FRMD5: variants seen among roughly 807,000 people sequenced by gnomAD.
FRMD5 encodes the protein FERM domain containing 5.
In FRMD5, 20 loss-of-function variants were observed where a neutral mutation model predicts 69.0. That is an observed-to-expected ratio of 0.29 (90% confidence interval 0.20 to 0.42). FRMD5 has a LOEUF of 0.42. Among genes scored for constraint, FRMD5 ranks in the 10% least tolerant of loss-of-function variants. The pLI is 1.00. For missense variants in FRMD5, 595 were observed against 708.6 expected (o/e 0.84, Z 1.82); for synonymous variants, 271 against 260.1 (o/e 1.04, Z -0.40).
intron 1 of FRMD5, among the ~76,000 whole-genome samples, chr15:44,070,618 C>T (rs865789859): frequency 9.2e-5 from 14 of 152,268 alleles, no homozygotes; most frequent in East Asian, 7.7e-4. Flanking sequence ...ATGATATATA[C>T]GCCACACTTG....
chr15:43,891,944 G>A (rs1301964302), intron 8 of FRMD5, 37 bp downstream of exon 8: 1 of 1,561,434 alleles, frequency 6.4e-7, no homozygotes, highest in South Asian at 1.1e-5. Context: ...CAGTTGGTGA[G>A]ATATAAAGAG....
At chr15:43,877,616 C>A (rs557323009) in intron 13 of FRMD5, among the ~76,000 whole-genome samples, 1 of 152,360 alleles carries the variant, frequency 6.6e-6, no homozygotes, top group Non-Finnish European at 1.5e-5. Context: ...CATCTAGTTA[C>A]GCTCCCCATT....
intron 1 of FRMD5, among the ~76,000 whole-genome samples, chr15:44,042,422 AT>A (rs1470354307): frequency 6.6e-6 from 1 of 152,222 alleles, no homozygotes; most frequent in Non-Finnish European, 1.5e-5. Context: ...TCCCTAACTC[AT>A]TTTATGAGGC....
chr15:44,128,759 T>C (rs960270995), intron 1 of FRMD5, among the ~76,000 whole-genome samples: 10 of 151,786 alleles, frequency 6.6e-5, no homozygotes, highest in African/African-American at 2.4e-4. Context: ...AAACTGAAGA[T>C]GATAGGAATC....
chr15:44,104,531 G>T (rs1566947859), intron 1 of FRMD5, among the ~76,000 whole-genome samples: 1 of 152,090 alleles, frequency 6.6e-6, no homozygotes, highest in African/African-American at 2.4e-5. Context: ...TCCCATATAG[G>T]TGTACCATTT....
chr15:44,153,146 G>C (rs905411985), intron 1 of FRMD5, among the ~76,000 whole-genome samples: 2 of 152,148 alleles, frequency 1.3e-5, no homozygotes, highest in African/African-American at 4.8e-5. Flanking sequence ...ATAGAAAATA[G>C]TATGGCACTT....
chr15:43,936,146 C>T (rs2089757190), intron 1 of FRMD5, among the ~76,000 whole-genome samples: 1 of 152,230 alleles, frequency 6.6e-6, no homozygotes, highest in African/African-American at 2.4e-5. Context: ...TCATGGTTCA[C>T]AGCCCAGTGC....
intron 1 of FRMD5, among the ~76,000 whole-genome samples, chr15:43,969,816 T>G (rs1039578056): frequency 2.6e-5 from 4 of 152,244 alleles, no homozygotes; most frequent in African/African-American, 9.6e-5. Context: ...TGAATGATAC[T>G]ATTCCTCTAT....
chr15:44,061,919 G>A (rs1337039718), intron 1 of FRMD5, among the ~76,000 whole-genome samples: 3 of 152,216 alleles, frequency 2.0e-5, no homozygotes, highest in East Asian at 3.8e-4. Context: ...CAAATGAAGT[G>A]TACAGGTACA....
At position 43,992,023 on chromosome 15, in the gene FRMD5, G is replaced by A. The variant is rs145482142; in HGVS notation, c.103-67714C>T. ...CTCTTTAAACTATAAGTTATTTGAC[G>A]ATAAGGTATCTTCTATTAAAAAAAT... On this transcript the variant is annotated intron_variant, in intron 1 of 13. Transcript: ENST00000417257. Among the ~76,000 whole-genome samples the A allele has an allele frequency of 2.8e-4, 43 of 152,248 alleles. No homozygotes were observed. The East Asian group carries it at 5.8e-3, about 20-fold the overall frequency.
At chr15:43,883,908 T>C in intron 12 of FRMD5, 99 bp from the exon 13 acceptor site, 2 of 840,410 alleles carry the variant, frequency 2.4e-6, no homozygotes. Context: ...CCTGGCTATA[T>C]TAAGTCTTGG....
chr15:43,926,230 C>T (rs1351662473), intron 1 of FRMD5, among the ~76,000 whole-genome samples: 2 of 152,202 alleles, frequency 1.3e-5, no homozygotes, highest in African/African-American at 2.4e-5. Context: ...AGGAGAATGA[C>T]TTGCAGGAAC....
intron 1 of FRMD5, among the ~76,000 whole-genome samples, chr15:44,033,029 T>C (rs1212461815): frequency 1.3e-5 from 2 of 152,110 alleles, no homozygotes; most frequent in African/African-American, 4.8e-5. Flanking sequence ...TATGCAGCCA[T>C]AAAAAAGAAC....
chr15:44,048,865 C>T (rs1021386999), intron 1 of FRMD5, among the ~76,000 whole-genome samples: 1 of 152,138 alleles, frequency 6.6e-6, no homozygotes, highest in African/African-American at 2.4e-5. Flanking sequence ...AGCCACCATG[C>T]CCGGCCTCAT....
Position 43,997,342 on chromosome 15 carries a change from C to T in FRMD5, c.103-73033G>A, listed in dbSNP as rs528760412. Among the ~76,000 whole-genome samples, 95 of 152,340 alleles carry T rather than the reference C, an allele frequency of 6.2e-4. 2 individuals are homozygous for T. The South Asian group carries it at 0.019, about 31-fold the overall frequency. ...CCCCAATCCACACCCAAAGATTCTA[C>T]TCTTGAGATTCCTCAAGAAAACATA... On this transcript the variant is annotated intron_variant, in intron 1 of 13. Transcript: ENST00000417257.
At chr15:44,102,834 G>T (rs2076659151) in intron 1 of FRMD5, among the ~76,000 whole-genome samples, 1 of 152,326 alleles carries the variant, frequency 6.6e-6, no homozygotes, top group South Asian at 2.1e-4. Context: ...ACTCCCAGCT[G>T]TTCACTGTGT....
At chr15:43,971,248 C>CA (rs997859342) in intron 1 of FRMD5, among the ~76,000 whole-genome samples, 9 of 150,534 alleles carry the variant, frequency 6.0e-5, no homozygotes, top group East Asian at 5.8e-4. Context: ...CACAAAAAAA[C>CA]AAAAAACAAA....
chr15:44,195,081 C>T lies in FRMD5; in HGVS notation c.-27G>A, dbSNP rs944694384. The T allele has an allele frequency of 9.4e-6, 14 of 1,491,524 alleles. No homozygotes were observed. The African/African-American group carries it at 1.9e-4, about 20-fold the overall frequency. The allele number at this position is 1,491,524 out of a possible 1,614,324, so 92.4% of individuals were successfully genotyped here. ...TTCCCGCCCGCCCGCCCGGGAGCGA[C>T]GCGGCGGCGCTGCGGACCCTGGACC... On this transcript the variant is annotated 5_prime_UTR_variant, in exon 1 of 14. Coordinates refer to ENST00000417257, the MANE Select transcript of FRMD5 (RefSeq NM_032892.5).
chr15:43,987,097 C>G (rs1202243864), intron 1 of FRMD5, among the ~76,000 whole-genome samples: 1 of 152,140 alleles, frequency 6.6e-6, no homozygotes, highest in Non-Finnish European at 1.5e-5. Context: ...CCATTTCCCT[C>G]CCTCTCTTCA....
Sources: gnomAD v4.1 joint callset for allele counts (sites outside exome capture counted in the v4.1 genomes callset) on GRCh38, gnomAD v4.1.1 for gene constraint, MANE v1.5 for transcripts, NCBI Gene and HGNC (gene_info 2026-07-23, HGNC 2026-07-21) for gene names.